The following SLC24A4 variants were observed in gnomAD, a reference collection of about 807,000 sequenced individuals.
SLC24A4 encodes solute carrier family 24 member 4, also known as sodium/potassium/calcium exchanger 4.
A neutral mutation model predicts 79.0 loss-of-function variants in SLC24A4; 53 were observed. The ratio of observed to expected loss-of-function variants is 0.67; its 90% CI spans 0.54 to 0.84. The LOEUF (loss-of-function observed/expected upper bound fraction) is 0.84. Ranked by LOEUF, SLC24A4 falls within the 40% of genes least tolerant of loss-of-function variation. SLC24A4 has a pLI of 0.00. For missense variants in SLC24A4, 731 were observed against 822.0 expected, an observed-to-expected ratio of 0.89 and a Z score of 1.35; for synonymous variants, 323 against 323.8, an observed-to-expected ratio of 1.00 and a Z score of 0.03.
At chr14:92,427,950 A>G (rs190886744) in intron 2 of SLC24A4, among the ~76,000 whole-genome samples, 2 of 152,188 alleles carry the variant, frequency 1.3e-5, no homozygotes, top group African/African-American at 4.8e-5. Context: ...CTGTGTGAGG[A>G]TGCAGAGATA....
At chr14:92,447,319 T>C in intron 8 of SLC24A4, 52 bp from the exon 9 acceptor site, 2 of 1,570,858 alleles carry the variant, frequency 1.3e-6, no homozygotes, top group Non-Finnish European at 1.8e-6. Context: ...TTCCCAGCCT[T>C]CACCTGCCCC....
At chr14:92,446,107 A>G (rs1033530113) in intron 8 of SLC24A4, among the ~76,000 whole-genome samples, 2 of 152,228 alleles carry the variant, frequency 1.3e-5, no homozygotes, top group Non-Finnish European at 2.9e-5. Flanking sequence ...ATGGGAATGC[A>G]TCTTACATTT....
At chr14:92,468,316 G>A (rs1423893862) in intron 12 of SLC24A4, among the ~76,000 whole-genome samples, 4 of 152,150 alleles carry the variant, frequency 2.6e-5, no homozygotes, top group Admixed American at 1.3e-4. Flanking sequence ...AAGACTTAAC[G>A]TTTTAAAAAT....
At chr14:92,405,839 T>A (rs1890344779) in intron 2 of SLC24A4, among the ~76,000 whole-genome samples, 1 of 152,076 alleles carries the variant, frequency 6.6e-6, no homozygotes, top group Non-Finnish European at 1.5e-5. Context: ...AACCATATCA[T>A]CCCACCCTTG....
At chr14:92,361,358 T>G (rs1367048472) in intron 2 of SLC24A4, among the ~76,000 whole-genome samples, 1 of 151,518 alleles carries the variant, frequency 6.6e-6, no homozygotes, top group Non-Finnish European at 1.5e-5. Flanking sequence ...GAAGCAAGGT[T>G]GGGAAGGGAG....
intron 7 of SLC24A4, 118 bp downstream of exon 7, chr14:92,443,592 G>A (rs1051756453): frequency 5.3e-5 from 55 of 1,031,920 alleles, no homozygotes; most frequent in Non-Finnish European, 7.3e-5. Context: ...ACACAATAGT[G>A]GGGTGTGCCA....
At position 92,323,965 on chromosome 14, in the gene SLC24A4, G is replaced by T; in HGVS notation, c.130+5G>T. 1 of 1,609,264 alleles carries T rather than the reference G, an allele frequency of 6.2e-7. No individual in the cohort carries two copies. Among genetic ancestry groups the T allele is most frequent in the Non-Finnish European group, 8.5e-7 (1 of 1,178,574 alleles). ...CCGGCCTCTTCGGCAGCTTGGGTGG[G>T]TGCTGGTACGGGTCCCCTCTTCCTG... On this transcript the variant is annotated splice_donor_5th_base_variant and intron_variant, in intron 1 of 16. Transcript: ENST00000532405. This position sits in a 1 kb window ranked among gnomAD's most constrained non-coding sequence, Gnocchi z 4.9.
chr14:92,433,399 C>T (rs1317496603), intron 2 of SLC24A4, among the ~76,000 whole-genome samples: 1 of 152,162 alleles, frequency 6.6e-6, no homozygotes, highest in Non-Finnish European at 1.5e-5. Flanking sequence ...AGCAATATGG[C>T]TATGAACATT....
At chr14:92,427,438 C>G (rs754900813) in intron 2 of SLC24A4, among the ~76,000 whole-genome samples, 1 of 152,242 alleles carries the variant, frequency 6.6e-6, no homozygotes, top group Non-Finnish European at 1.5e-5. Context: ...GGCCAAAATG[C>G]AGTCTTTGGC....
intron 2 of SLC24A4, among the ~76,000 whole-genome samples, chr14:92,401,660 G>A (rs72695142): frequency 0.18 from 27,446 of 152,184 alleles, 3,150 homozygotes; most frequent in Non-Finnish European, 0.24. Context: ...GACTGCCTGG[G>A]TTCAAATCGC....
chr14:92,435,730 G>C (rs141319076), intron 3 of SLC24A4, among the ~76,000 whole-genome samples: 1 of 152,332 alleles, frequency 6.6e-6, no homozygotes, highest in African/African-American at 2.4e-5. Flanking sequence ...TTAATTAACA[G>C]GGTAAGCCAT....
chr14:92,409,871 TAA>T (rs1171381260), intron 2 of SLC24A4, among the ~76,000 whole-genome samples: 11 of 152,140 alleles, frequency 7.2e-5, no homozygotes, highest in Non-Finnish European at 1.0e-4. Flanking sequence ...TATGAAAAAA[TAA>T]AGAGATCATG....
chr14:92,465,990 T>C (rs992380088), intron 12 of SLC24A4, among the ~76,000 whole-genome samples: 10 of 152,206 alleles, frequency 6.6e-5, no homozygotes, highest in Non-Finnish European at 1.3e-4. Context: ...TCTTGACCTC[T>C]TCTGCTTTCT....
intron 11 of SLC24A4, among the ~76,000 whole-genome samples, chr14:92,455,963 A>T (rs2139847647): frequency 6.6e-6 from 1 of 152,318 alleles, no homozygotes; most frequent in South Asian, 2.1e-4. Flanking sequence ...GGCCTCCCAA[A>T]GTGCTGGGAT....
intron 2 of SLC24A4, among the ~76,000 whole-genome samples, chr14:92,369,632 C>T (rs1290766006): frequency 6.6e-6 from 1 of 152,162 alleles, no homozygotes; most frequent in Non-Finnish European, 1.5e-5. Flanking sequence ...ATAAATTCGT[C>T]GACAGTCATA....
At chr14:92,404,747 C>G (rs1890284970) in intron 2 of SLC24A4, among the ~76,000 whole-genome samples, 1 of 152,170 alleles carries the variant, frequency 6.6e-6, no homozygotes, top group African/African-American at 2.4e-5. Flanking sequence ...TTACTTTTTT[C>G]ATAAGCTCTG....
At position 92,491,757 on chromosome 14, in the gene SLC24A4, G is replaced by A. The variant is rs772711392; in HGVS notation, c.1630G>A (p.Val544Ile). The A allele has an allele frequency of 3.7e-6, 6 of 1,613,238 alleles. No homozygotes were observed. The East Asian group carries it at 8.9e-5, about 24-fold the overall frequency. The change falls in exon 15 of 17, where the codon GTT becomes ATT. Residue 544 changes from valine to isoleucine, a missense_variant. Transcript: ENST00000532405. ...TGTACCGTGGGGCCTGCAGACCATGGTTGTTAATTATGGATCAACAGTAAG... is the reference window on the plus strand; with the variant it reads ...TGTACCGTGGGGCCTGCAGACCATGATTGTTAATTATGGATCAACAGTAAG... Reference protein sequence around the residue: ...LGVPWGLQTMVVNYGSTVKIN... With the variant: ...LGVPWGLQTMIVNYGSTVKIN...
At chr14:92,338,499 A>T (rs74958670) in intron 2 of SLC24A4, among the ~76,000 whole-genome samples, 3,105 of 152,310 alleles carry the variant, frequency 0.02, 99 homozygotes, top group African/African-American at 0.07. Context: ...AATGTGGTTG[A>T]TGCAGTGCCT....
intron 2 of SLC24A4, among the ~76,000 whole-genome samples, chr14:92,364,845 C>G (rs1183164993): frequency 6.6e-6 from 1 of 152,210 alleles, no homozygotes; most frequent in Non-Finnish European, 1.5e-5. Flanking sequence ...GCATGTCTGG[C>G]ACAGACTGGG....
Sources: allele counts gnomAD v4.1 joint callset (sites outside exome capture counted in the v4.1 genomes callset), GRCh38; gene constraint gnomAD v4.1.1; non-coding constraint Gnocchi (gnomAD v3.1); transcripts MANE v1.5; gene names NCBI Gene and HGNC (gene_info 2026-07-23, HGNC 2026-07-21).